Variants in UQCC1 observed in about 807,000 individuals in gnomAD.
The protein encoded by UQCC1 is bFGF-repressed Zic-binding protein.
Under a neutral mutation model 48.0 loss-of-function variants are expected in UQCC1, and 38 were observed. That is an observed-to-expected ratio of 0.79 (90% CI 0.61 to 1.04). The LOEUF is 1.04. UQCC1 is among the 50% of genes least tolerant of loss of function. The pLI is 0.00. For synonymous variants in UQCC1, 111 were observed against 129.2 expected (o/e 0.86, Z 0.95); for missense variants, 368 against 381.8 (o/e 0.96, Z 0.30).
chr20:35,369,110 C>G (rs1168528648), intron 5 of UQCC1, among the ~76,000 whole-genome samples: 1 of 152,226 alleles, frequency 6.6e-6, no homozygotes, highest in Non-Finnish European at 1.5e-5. Flanking sequence ...CCTCCAGGAG[C>G]CTTTCCAATT....
chr20:35,393,591 G>C (rs1178686520), intron 2 of UQCC1, among the ~76,000 whole-genome samples: 1 of 151,726 alleles, frequency 6.6e-6, no homozygotes, highest in Non-Finnish European at 1.5e-5. Context: ...TGAAGTCATA[G>C]ATGATTTATT....
intron 2 of UQCC1, among the ~76,000 whole-genome samples, chr20:35,385,823 A>G (rs949203799): frequency 3.7e-5 from 5 of 135,192 alleles, no homozygotes; most frequent in African/African-American, 1.1e-4. Flanking sequence ...CCTGGCTGGG[A>G]TTTTTTTTTT....
chr20:35,375,451 G>C (rs936439467), intron 4 of UQCC1, among the ~76,000 whole-genome samples: 4 of 152,112 alleles, frequency 2.6e-5, no homozygotes, highest in African/African-American at 9.7e-5. Flanking sequence ...AGTTAATACA[G>C]GGGAAAATAG....
chr20:35,392,364 C>G (rs1287392143), intron 2 of UQCC1: 8 of 1,107,608 alleles, frequency 7.2e-6, no homozygotes, highest in Non-Finnish European at 9.9e-6. Flanking sequence ...TACATCTGGT[C>G]AGCATGAGAT....
intron 9 of UQCC1, 137 bp downstream of exon 9, chr20:35,306,529 C>T (rs949610970): frequency 3.1e-6 from 2 of 650,176 alleles, no homozygotes; most frequent in South Asian, 1.9e-5. Context: ...CCTTCTTCAG[C>T]GTCTAGTGCT....
At chr20:35,374,362 G>T (rs2061771669) in intron 4 of UQCC1, 106 bp from the exon 5 acceptor site, 1 of 797,088 alleles carries the variant, frequency 1.3e-6, no homozygotes, top group Non-Finnish European at 2.0e-6. Context: ...AGAAGGAAGG[G>T]TCCAAACCAC....
intron 2 of UQCC1, among the ~76,000 whole-genome samples, 188 bp downstream of exon 2, chr20:35,393,904 A>G (rs528367724): frequency 6.6e-6 from 1 of 152,320 alleles, no homozygotes; most frequent in South Asian, 2.1e-4. Flanking sequence ...TTCCACTGCT[A>G]GGGTATTTAG....
chr20:35,303,887 G>A lies in UQCC1; in HGVS notation c.*48C>T. On this transcript the variant is annotated 3_prime_UTR_variant, in exon 10 of 10. Coordinates refer to ENST00000374385, the MANE Select transcript of UQCC1 (RefSeq NM_018244.5). ...CTGGACCAACAGGCACTTCTCTCCT[G>A]GAGGTTCCTCGAAGCCAGCTGGCGG... The A allele has an allele frequency of 6.2e-7, 1 of 1,613,794 alleles. No homozygotes were observed. Among genetic ancestry groups the A allele is most frequent in the Non-Finnish European group, 8.5e-7 (1 of 1,179,780 alleles).
chr20:35,354,981 A>G (rs564394357), intron 6 of UQCC1, among the ~76,000 whole-genome samples: 12 of 152,312 alleles, frequency 7.9e-5, no homozygotes, highest in Non-Finnish European at 4.4e-5. Flanking sequence ...AAATAATGTG[A>G]GCTATGCATA....
chr20:35,368,288 C>T (rs1049564248), intron 5 of UQCC1, among the ~76,000 whole-genome samples: 1 of 152,168 alleles, frequency 6.6e-6, no homozygotes. Context: ...TGCGGGCTTA[C>T]TATGTGCCAG....
At chr20:35,349,602 T>C (rs181696320) in intron 6 of UQCC1, among the ~76,000 whole-genome samples, 344 of 152,246 alleles carry the variant, frequency 2.3e-3, no homozygotes, top group African/African-American at 7.7e-3. Context: ...TTTTAAGAAA[T>C]AGGAGGACTA....
chr20:35,336,805 C>G lies in UQCC1; in HGVS notation c.573+10359G>C, dbSNP rs576780694. 7.2e-5 allele frequency among the ~76,000 whole-genome samples: 11 copies of G among 152,286 alleles called. No homozygotes were observed. The East Asian group carries it at 2.1e-3, about 29-fold the overall frequency. On this transcript the variant is annotated intron_variant, in intron 7 of 9. Coordinates refer to ENST00000374385, the MANE Select transcript of UQCC1 (RefSeq NM_018244.5). ...AATGTTACTAATCTCACAGGTAAGA[C>G]TGTTGCAAAATGTTATAAAATTCAA...
chr20:35,373,158 A>G (rs1173191304), intron 5 of UQCC1, among the ~76,000 whole-genome samples: 1 of 152,214 alleles, frequency 6.6e-6, no homozygotes, highest in African/African-American at 2.4e-5. Flanking sequence ...TACAGCATCA[A>G]AATTAATACT....
intron 8 of UQCC1, among the ~76,000 whole-genome samples, chr20:35,308,616 A>AT (rs2060953458): frequency 6.6e-6 from 1 of 152,256 alleles, no homozygotes; most frequent in Non-Finnish European, 1.5e-5. Flanking sequence ...TAGTGAGAAC[A>AT]ACCCAACTGT....
chr20:35,406,754 C>A (rs547486804), intron 1 of UQCC1, among the ~76,000 whole-genome samples: 3 of 151,950 alleles, frequency 2.0e-5, no homozygotes, highest in Non-Finnish European at 4.4e-5. Context: ...ATTTAAAAGA[C>A]AACTACAAGA....
At chr20:35,351,351 C>T (rs2061488549) in intron 6 of UQCC1, among the ~76,000 whole-genome samples, 1 of 149,072 alleles carries the variant, frequency 6.7e-6, no homozygotes. Context: ...AAGATCACGC[C>T]ACTGCACTCC....
intron 7 of UQCC1, among the ~76,000 whole-genome samples, chr20:35,328,600 AG>A (rs146240668): frequency 0.057 from 8,633 of 152,252 alleles, 391 homozygotes; most frequent in African/African-American, 0.12. Context: ...GCAGGATTTG[AG>A]TCCAAACTGG....
chr20:35,360,079 G>T (rs1448719821), intron 6 of UQCC1, among the ~76,000 whole-genome samples: 1 of 152,106 alleles, frequency 6.6e-6, no homozygotes. Context: ...TAAAGAATAA[G>T]CCCCTGGGTA....
In UQCC1 at chr20:35,366,469, A is replaced by G. The variant is rs538667934; in HGVS notation, c.464+88T>C. ...AACACCTGAACAACTGCCATTTCAT[A>G]TAATCAGCCCTCCTGAAGGCTATAC... On this transcript the variant is annotated intron_variant, in intron 6 of 9. Transcript: ENST00000374385. 4.8e-5 allele frequency: 55 copies of G among 1,143,020 alleles called. No homozygotes were observed. The East Asian group carries it at 1.2e-3, about 26-fold the overall frequency. 70.8% of individuals were successfully genotyped at this position (1,143,020 alleles called of 1,614,324 possible). A position where few individuals can be genotyped will look rare whatever the true frequency, so the allele number is the denominator to read the frequency against.
Sources: allele counts gnomAD v4.1 joint callset (sites outside exome capture counted in the v4.1 genomes callset), GRCh38; gene constraint gnomAD v4.1.1; transcripts MANE v1.5; gene names NCBI Gene and HGNC (gene_info 2026-07-23, HGNC 2026-07-21).